SLC26A4: variants seen among roughly 807,000 people sequenced by gnomAD.
The protein encoded by SLC26A4 is solute carrier family 26 member 4.
In SLC26A4, 93 loss-of-function variants were observed where a neutral mutation model predicts 90.4. The observed-to-expected ratio is 1.03, with a 90% CI of 0.87 to 1.22. The LOEUF (loss-of-function observed/expected upper bound fraction) is 1.22, where lower values mean the gene tolerates loss of function less well. SLC26A4 is among the 50% of genes most tolerant of loss of function. The pLI is 0.00. For synonymous variants in SLC26A4, 393 were observed against 354.6 expected (o/e 1.11, Z -1.22); for missense variants, 1,127 against 946.2 (o/e 1.19, Z -2.51).
Position 107,712,474 on chromosome 7 carries a change from A to G in SLC26A4, c.2236-65A>G. 3 of 831,536 alleles carry G rather than the reference A, an allele frequency of 3.6e-6. No homozygotes were observed. In the South Asian group the frequency reaches 4.0e-5, roughly 11 times the overall value. 51.5% of individuals were successfully genotyped at this position (831,536 alleles called of 1,614,324 possible). ...AGAAGCACCAGGAAAGCTTCAAATC[A>G]TTTTCAGTGGAGCATCAGGTGGGTT... On this transcript the variant is annotated intron_variant, in intron 19 of 20. Coordinates refer to ENST00000644269, the MANE Select transcript of SLC26A4 (RefSeq NM_000441.2).
At chr7:107,693,912 T>C (rs568000274) in intron 10 of SLC26A4, among the ~76,000 whole-genome samples, 51 of 152,320 alleles carry the variant, frequency 3.3e-4, no homozygotes, top group African/African-American at 1.2e-3. Context: ...AATGAGACCA[T>C]GTGCTACAAG....
chr7:107,693,417 T>C (rs1222271878), intron 10 of SLC26A4: 1 of 985,314 alleles, frequency 1.0e-6, no homozygotes, highest in Non-Finnish European at 1.2e-6. Flanking sequence ...TTTCTGTTTA[T>C]ATTTGCTGTG....
intron 8 of SLC26A4, 137 bp from the exon 9 acceptor site, chr7:107,688,916 T>C: frequency 1.9e-5 from 16 of 842,754 alleles, no homozygotes; most frequent in Non-Finnish European, 2.1e-5. Flanking sequence ...CATGTATGTA[T>C]TTCGTGTGCT....
chr7:107,691,583 G>A (rs1181944022), intron 10 of SLC26A4, among the ~76,000 whole-genome samples: 5 of 147,674 alleles, frequency 3.4e-5, no homozygotes, highest in East Asian at 2.0e-4. Context: ...ATATATATAC[G>A]AGAATAACTG....
chr7:107,682,760 G>A (rs887194085), intron 6 of SLC26A4, among the ~76,000 whole-genome samples: 1 of 152,022 alleles, frequency 6.6e-6, no homozygotes, highest in Admixed American at 6.6e-5. Context: ...TCTCAATGCT[G>A]TATCACTGTA....
rs571723701 is a variant in SLC26A4 at position 107,688,346 on chromosome 7, A to G, written c.1002-707A>G. ...GGGCCTCTGGAATTATACCATATGG[A>G]TAGTCATCAAGATATAGGTCCATCT... On this transcript the variant is annotated intron_variant, in intron 8 of 20. Transcript: ENST00000644269. 2.2e-3 allele frequency among the ~76,000 whole-genome samples: 331 copies of G among 152,234 alleles called. 1 individual carries two copies. The highest frequency in any genetic ancestry group is 7.6e-3 in the African/African-American group (316 of 41,532).
intron 8 of SLC26A4, among the ~76,000 whole-genome samples, chr7:107,687,351 G>T (rs1386306348): frequency 6.6e-6 from 1 of 152,190 alleles, no homozygotes; most frequent in Non-Finnish European, 1.5e-5. Flanking sequence ...ACTTCAATTG[G>T]TTTGGGGCAA....
intron 19 of SLC26A4, among the ~76,000 whole-genome samples, chr7:107,711,122 A>G (rs1584345575): frequency 6.6e-6 from 1 of 151,940 alleles, no homozygotes; most frequent in East Asian, 1.9e-4. Context: ...AGTCCTAACT[A>G]CCAAGCTGTG....
At position 107,710,212 on chromosome 7, in the gene SLC26A4, C is replaced by T. The variant is rs1187506528; in HGVS notation, c.2235+13C>T. On this transcript the variant is annotated intron_variant, in intron 19 of 20. Coordinates refer to ENST00000644269, the MANE Select transcript of SLC26A4 (RefSeq NM_000441.2). ...CATTTTAGAAACGGTAAATATTCAACCTTTCTACAGATGTATCTTTTCTAA... is the reference window on the plus strand; with the variant it reads ...CATTTTAGAAACGGTAAATATTCAATCTTTCTACAGATGTATCTTTTCTAA... The T allele has an allele frequency of 1.3e-6, 2 of 1,554,670 alleles. No individual in the cohort carries two copies. The highest frequency in any genetic ancestry group is 1.1e-5 in the South Asian group (1 of 89,756).
intron 4 of SLC26A4, among the ~76,000 whole-genome samples, chr7:107,672,575 A>G (rs1202430506): frequency 6.6e-6 from 1 of 152,018 alleles, no homozygotes; most frequent in Non-Finnish European, 1.5e-5. Flanking sequence ...AACGTGATCA[A>G]TTTGACTCCA....
chr7:107,666,759 A>C (rs1459884103), intron 3 of SLC26A4, among the ~76,000 whole-genome samples: 2 of 152,092 alleles, frequency 1.3e-5, no homozygotes, highest in African/African-American at 4.8e-5. Flanking sequence ...CCATGAAATA[A>C]ACTGAGGCAG....
Position 107,661,356 on chromosome 7 carries a change from CCCCAGAGCAGGGG to C in SLC26A4, c.-3-281_-3-269del, listed in dbSNP as rs1267985023. Reference sequence around the variant, plus strand: ...GGGGACTGGGTGGAACTCGGGAAGCCCCCAGAGCAGGGGCTTACTCGCTTCAAGTTTGGGGAAC... The same window carrying C: ...GGGGACTGGGTGGAACTCGGGAAGCCCTTACTCGCTTCAAGTTTGGGGAAC... On this transcript the variant is annotated intron_variant, in intron 1 of 20. Transcript: ENST00000644269. This position sits in a 1 kb window ranked among gnomAD's most constrained non-coding sequence, Gnocchi z 5.1. 1.8e-6 allele frequency: 1 copy of C among 550,934 alleles called. No homozygotes were observed. Among genetic ancestry groups the C allele is most frequent in the African/African-American group, 1.9e-5 (1 of 52,226 alleles). The allele number at this position is 550,934 out of a possible 1,614,324, so 34.1% of individuals were successfully genotyped here.
rs876658003 is a variant in SLC26A4, at chr7:107,701,992, A to T, written c.1969A>T (p.Ser657Cys). The T allele has an allele frequency of 3.1e-6, 5 of 1,614,122 alleles. No homozygotes were observed. The highest frequency in any genetic ancestry group is 4.2e-6 in the Non-Finnish European group (5 of 1,179,976). The change falls in exon 17 of 21, where the codon AGC becomes TGC. Residue 657 changes from serine (S) to cysteine (C), a missense_variant. Physicochemically the swap from Ser to Cys is moderately radical, Grantham distance 112. Transcript: ENST00000644269. ...GAACGTTCCCAAAGTGCCAATCCAT[A>T]GCCTTGTGCTTGACTGTGGAGCTAT... ...KVNVPKVPIH[S>C]LVLDCGAISF... is the part of the protein sequence containing the mutation.
chr7:107,695,947 T>G lies in SLC26A4; in HGVS notation c.1452T>G (p.Phe484Leu). Residue 484 changes from phenylalanine to leucine, a missense_variant, in exon 13 of 21, where the codon TTT becomes TTG. Phe to Leu is a conservative substitution (Grantham distance 22). Coordinates refer to ENST00000644269, the MANE Select transcript of SLC26A4 (RefSeq NM_000441.2). ...QNKIDAVIWVFTCIVSIILGL... is the reference protein window; with the variant it reads ...QNKIDAVIWVLTCIVSIILGL... ...TTTTTCCCTAGGTTATCTGGGTGTT[T>G]ACGTGTATAGTGTCCATCATTCTGG... The G allele has an allele frequency of 1.3e-6, 2 of 1,599,178 alleles. No homozygotes were observed. The highest frequency in any genetic ancestry group is 1.3e-5 in the African/African-American group (1 of 74,708).
intron 3 of SLC26A4, among the ~76,000 whole-genome samples, chr7:107,669,250 C>A (rs935254601): frequency 6.6e-6 from 1 of 152,194 alleles, no homozygotes; most frequent in Non-Finnish European, 1.5e-5. Context: ...AGCCATCACA[C>A]CTAGCCCCAG....
intron 9 of SLC26A4, among the ~76,000 whole-genome samples, chr7:107,689,765 C>A (rs1474603265): frequency 6.6e-6 from 1 of 152,168 alleles, no homozygotes; most frequent in Non-Finnish European, 1.5e-5. Flanking sequence ...AGCAGAATAA[C>A]AGCACTGCTA....
chr7:107,715,747 T>C lies in SLC26A4; in HGVS notation c.*301T>C. ...CACGTGGGCCCTGGCATATCTCTGT[T>C]CAGTTAGAGTGAGTGCTGACCCAAC... On this transcript the variant is annotated 3_prime_UTR_variant, in exon 21 of 21. Coordinates refer to ENST00000644269, the MANE Select transcript of SLC26A4 (RefSeq NM_000441.2). The C allele has an allele frequency of 2.1e-6, 1 of 466,574 alleles. No homozygotes were observed. Among genetic ancestry groups the C allele is most frequent in the Non-Finnish European group, 3.9e-6 (1 of 255,786 alleles). 28.9% of individuals were successfully genotyped at this position (466,574 alleles called of 1,614,324 possible).
chr7:107,672,800 C>T (rs1353912895), intron 4 of SLC26A4, among the ~76,000 whole-genome samples: 1 of 152,140 alleles, frequency 6.6e-6, no homozygotes, highest in South Asian at 2.1e-4. Flanking sequence ...CTTGGTATGG[C>T]TTATAATAAG....
rs1348737286 is a variant in SLC26A4 at position 107,700,101 on chromosome 7, G to A, written c.1633G>A (p.Val545Met). 2.5e-6 allele frequency: 4 copies of A among 1,573,380 alleles called. No individual in the cohort carries two copies. Among genetic ancestry groups the A allele is most frequent in the East Asian group, 2.2e-5 (1 of 44,702 alleles). ...ATGCCAGATTGAAGAACCTCAAGGA[G>A]TGAAGATTCTTAGATTTTCCAGTCC... The part of the protein sequence containing the change: ...NYKNIEEPQG[V>M]KILRFSSPIF... The change falls in exon 15 of 21, where the codon GTG (valine) becomes ATG (methionine). Residue 545 changes from valine to methionine, a missense_variant. By Grantham distance (21) the Val-to-Met change is conservative (BLOSUM62 1). Coordinates refer to ENST00000644269, the MANE Select transcript of SLC26A4 (RefSeq NM_000441.2).
Sources: gnomAD v4.1 joint callset for allele counts (sites outside exome capture counted in the v4.1 genomes callset) on GRCh38, gnomAD v4.1.1 for gene constraint, Gnocchi (gnomAD v3.1) non-coding constraint, MANE v1.5 for transcripts, NCBI Gene and HGNC (gene_info 2026-07-23, HGNC 2026-07-21) for gene names.